UNC5C: variants seen among roughly 807,000 people sequenced by gnomAD.
UNC5C encodes the protein netrin receptor UNC5C.
In UNC5C, 47 loss-of-function variants were observed where a neutral mutation model predicts 99.8. That is an observed-to-expected ratio of 0.47 (90% CI 0.37 to 0.60). The LOEUF (loss-of-function observed/expected upper bound fraction) is 0.60, where lower values mean the gene tolerates loss of function less well. UNC5C is among the 20% of genes least tolerant of loss of function. UNC5C has a pLI of 0.00. For missense variants in UNC5C, 1,062 were observed against 1,165.9 expected, an observed-to-expected ratio of 0.91 and a Z score of 1.30; for synonymous variants, 487 against 452.2, an observed-to-expected ratio of 1.08 and a Z score of -0.98.
In UNC5C at chr4:95,395,921, G is replaced by T. The variant is rs188920382; in HGVS notation, c.125-60290C>A. On this transcript the variant is annotated intron_variant, in intron 1 of 15. Transcript: ENST00000453304. ...AAGACTGGCCTGTTGGCCTGTCTCT[G>T]GGTCTCATAGAGTTGGAGTACACAG... 3.3e-5 allele frequency among the ~76,000 whole-genome samples: 5 copies of T among 152,284 alleles called. No individual in the cohort carries two copies. The East Asian group carries it at 7.7e-4, about 24-fold the overall frequency.
At chr4:95,354,077 C>T (rs1017249954) in intron 1 of UNC5C, among the ~76,000 whole-genome samples, 10 of 152,092 alleles carry the variant, frequency 6.6e-5, no homozygotes, top group Admixed American at 1.3e-4. Context: ...ATAAAAACAA[C>T]GAAGTTCTAC....
chr4:95,185,517 C>G (rs1295447444), intron 12 of UNC5C, among the ~76,000 whole-genome samples: 3 of 151,926 alleles, frequency 2.0e-5, no homozygotes, highest in Non-Finnish European at 2.9e-5. Context: ...CATCAGAACT[C>G]AAAACCAGAG....
chr4:95,476,103 T>G (rs1393548871), intron 1 of UNC5C, among the ~76,000 whole-genome samples: 1 of 152,128 alleles, frequency 6.6e-6, no homozygotes, highest in Non-Finnish European at 1.5e-5. Flanking sequence ...TTTGTTCAAC[T>G]CCTTACTTCA....
chr4:95,394,795 G>A (rs1385245000), intron 1 of UNC5C, among the ~76,000 whole-genome samples: 2 of 150,854 alleles, frequency 1.3e-5, no homozygotes, highest in Non-Finnish European at 2.9e-5. Flanking sequence ...CAGCATAAGC[G>A]GCACTAGGAT....
At chr4:95,217,013 A>T (rs758379404) in intron 9 of UNC5C, among the ~76,000 whole-genome samples, 2 of 152,208 alleles carry the variant, frequency 1.3e-5, no homozygotes, top group Non-Finnish European at 2.9e-5. Context: ...GCTCATCATC[A>T]CAAAGAGTGA....
chr4:95,453,394 A>G (rs1050575336), intron 1 of UNC5C, among the ~76,000 whole-genome samples: 5 of 152,124 alleles, frequency 3.3e-5, no homozygotes, highest in Non-Finnish European at 5.9e-5. Context: ...TTTTAATACA[A>G]TAAGTATATT....
chr4:95,304,586 C>A (rs915278891), intron 2 of UNC5C, among the ~76,000 whole-genome samples: 8 of 151,980 alleles, frequency 5.3e-5, no homozygotes, highest in African/African-American at 1.7e-4. Flanking sequence ...TTTTTTCCCC[C>A]TACTCTCTGA....
chr4:95,450,238 A>C (rs1034470068), intron 1 of UNC5C, among the ~76,000 whole-genome samples: 1 of 152,130 alleles, frequency 6.6e-6, no homozygotes, highest in Non-Finnish European at 1.5e-5. Context: ...TGAAGATGGG[A>C]TCTTGCTCTG....
intron 4 of UNC5C, among the ~76,000 whole-genome samples, chr4:95,269,221 T>G (rs530519823): frequency 7.0e-4 from 107 of 152,328 alleles, no homozygotes; most frequent in African/African-American, 2.5e-3. Flanking sequence ...CATTGGTAGA[T>G]TCTAACAATT....
intron 3 of UNC5C, among the ~76,000 whole-genome samples, chr4:95,298,516 T>A (rs1741755564): frequency 6.6e-6 from 1 of 152,138 alleles, no homozygotes. Context: ...CTCAGGGTTT[T>A]TGTGCCAGCC....
At chr4:95,195,544 C>G (rs1365860164) in intron 12 of UNC5C, among the ~76,000 whole-genome samples, 1 of 152,094 alleles carries the variant, frequency 6.6e-6, no homozygotes, top group Non-Finnish European at 1.5e-5. Context: ...CTTAGAAGAC[C>G]TAGAAGAAGC....
At chr4:95,391,732 T>C (rs1291709008) in intron 1 of UNC5C, among the ~76,000 whole-genome samples, 1 of 122,752 alleles carries the variant, frequency 8.1e-6, no homozygotes, top group African/African-American at 3.1e-5. Context: ...CTACAAAATA[T>C]AAAGTGAGCT....
intron 1 of UNC5C, among the ~76,000 whole-genome samples, chr4:95,481,444 C>T (rs1023441660): frequency 1.4e-4 from 21 of 151,730 alleles, no homozygotes; most frequent in African/African-American, 5.1e-4. Context: ...CCAAGGTAAT[C>T]TATAGATTCA....
intron 5 of UNC5C, among the ~76,000 whole-genome samples, chr4:95,247,685 A>G (rs994014045): frequency 1.3e-4 from 20 of 152,312 alleles, no homozygotes; most frequent in African/African-American, 4.6e-4. Flanking sequence ...CCCCAGTCCA[A>G]AGCTATTTCC....
intron 14 of UNC5C, among the ~76,000 whole-genome samples, chr4:95,174,364 C>T (rs550104579): frequency 1.5e-3 from 235 of 152,162 alleles, no homozygotes; most frequent in African/African-American, 5.5e-3. Flanking sequence ...TTCCTGCTTT[C>T]TCTTGTGGGC....
intron 7 of UNC5C, among the ~76,000 whole-genome samples, chr4:95,225,476 G>C (rs1738649805): frequency 6.6e-6 from 1 of 152,028 alleles, no homozygotes; most frequent in Non-Finnish European, 1.5e-5. Flanking sequence ...AAGGTGATAG[G>C]GTTTTACAGA....
intron 1 of UNC5C, among the ~76,000 whole-genome samples, chr4:95,336,357 A>G (rs915443234): frequency 2.6e-5 from 4 of 151,952 alleles, no homozygotes; most frequent in Non-Finnish European, 5.9e-5. Flanking sequence ...TCAGCCTAAT[A>G]ATAATCTTCC....
chr4:95,424,233 C>A (rs930143977), intron 1 of UNC5C, among the ~76,000 whole-genome samples: 2 of 151,954 alleles, frequency 1.3e-5, no homozygotes, highest in African/African-American at 4.8e-5. Context: ...CCGGAATAAC[C>A]TTTGACATCC....
intron 3 of UNC5C, among the ~76,000 whole-genome samples, chr4:95,280,245 C>T (rs1741007925): frequency 6.6e-6 from 1 of 152,138 alleles, no homozygotes; most frequent in Non-Finnish European, 1.5e-5. Context: ...AATTTCTCAG[C>T]AGAAGAAAAC....
Sources: allele counts gnomAD v4.1 joint callset (sites outside exome capture counted in the v4.1 genomes callset), GRCh38; gene constraint gnomAD v4.1.1; transcripts MANE v1.5; gene names NCBI Gene and HGNC (gene_info 2026-07-23, HGNC 2026-07-21).